MAPDA: variants seen among roughly 807,000 people sequenced by gnomAD.
The protein encoded by MAPDA is N6,N6-dimethyl-AMP deaminase.
the MAPDA span, among the ~76,000 whole-genome samples, chr15:43,334,633 T>TTATATATATATATATATATATATATATA: frequency 4.7e-3 from 305 of 65,012 alleles, 19 homozygotes; most frequent in Non-Finnish European, 7.5e-3. Context: ...CTCAAAAAAA[T>TTATATATATATATATATATATATATATA]TATATATATA....
chr15:43,334,028 C>G, the MAPDA span, among the ~76,000 whole-genome samples: 3 of 152,206 alleles, frequency 2.0e-5, no homozygotes, highest in Non-Finnish European at 4.4e-5. Context: ...AACTTACAGT[C>G]TGGTGAGAGA....
chr15:43,349,495 C>T, the MAPDA span: 3 of 339,018 alleles, frequency 8.8e-6, no homozygotes, highest in Non-Finnish European at 1.3e-5. Flanking sequence ...TCATTGCTGT[C>T]GATAGAGCAG....
At chr15:43,336,528 A>G in the MAPDA span, 1 of 878,104 alleles carries the variant, frequency 1.1e-6, no homozygotes, top group Non-Finnish European at 1.7e-6. Flanking sequence ...CTTTGTAAAT[A>G]TAAATATATA....
At chr15:43,343,213 C>G in the MAPDA span, 1 of 575,434 alleles carries the variant, frequency 1.7e-6, no homozygotes, top group Non-Finnish European at 2.8e-6. Context: ...ATCAAGGACC[C>G]TGTTGTTTAA....
At chr15:43,345,956 C>T in the MAPDA span, 1 of 1,614,110 alleles carries the variant, frequency 6.2e-7, no homozygotes, top group Non-Finnish European at 8.5e-7. Context: ...CAGTTCTTGG[C>T]CTTGACCTCA....
At chr15:43,337,275 C>CAAAA in the MAPDA span, among the ~76,000 whole-genome samples, 3 of 61,914 alleles carry the variant, frequency 4.8e-5, no homozygotes. Flanking sequence ...GACTCCGTCT[C>CAAAA]AAAAAAAAAA....
the MAPDA span, among the ~76,000 whole-genome samples, chr15:43,341,909 G>T: frequency 6.6e-6 from 1 of 151,966 alleles, no homozygotes; most frequent in Non-Finnish European, 1.5e-5. Flanking sequence ...TGGGATCTTG[G>T]CCCACTGCAA....
chr15:43,350,834 C>T, the MAPDA span: 1 of 986,016 alleles, frequency 1.0e-6, no homozygotes, highest in Non-Finnish European at 1.5e-6. Context: ...TAATAAACTA[C>T]TTTAAATTAG....
At chr15:43,336,393 G>A in the MAPDA span, among the ~76,000 whole-genome samples, 1 of 152,090 alleles carries the variant, frequency 6.6e-6, no homozygotes, top group Non-Finnish European at 1.5e-5. Context: ...ATTTCCCCAT[G>A]TCAGGTGTGG....
chr15:43,351,653 A>T, the MAPDA span: 6 of 1,164,586 alleles, frequency 5.2e-6, no homozygotes, highest in South Asian at 9.8e-5. Context: ...TCTTGAAAGA[A>T]GCATAGTAAA....
the MAPDA span, chr15:43,347,085 C>T: frequency 6.2e-7 from 1 of 1,612,906 alleles, no homozygotes; most frequent in Non-Finnish European, 8.5e-7. Flanking sequence ...GTTAGCATTG[C>T]ATCTTTCAGA....
At chr15:43,341,451 T>G in the MAPDA span, among the ~76,000 whole-genome samples, 1 of 152,220 alleles carries the variant, frequency 6.6e-6, no homozygotes, top group Non-Finnish European at 1.5e-5. Context: ...AAAATACTGG[T>G]GAAGACACTT....
the MAPDA span, among the ~76,000 whole-genome samples, chr15:43,336,448 A>G: frequency 1.2e-5 from 1 of 85,220 alleles, no homozygotes; most frequent in East Asian, 6.6e-4. Context: ...AATATCAGTA[A>G]TGTTTTATTT....
the MAPDA span, chr15:43,336,537 T>C: frequency 7.3e-5 from 68 of 932,446 alleles, no homozygotes; most frequent in Middle Eastern, 6.2e-4. Context: ...TATAAATATA[T>C]ATTTACTATT....
chr15:43,351,887 C>T, the MAPDA span: 1 of 1,551,656 alleles, frequency 6.4e-7, no homozygotes, highest in East Asian at 2.4e-5. Context: ...TCTGACAGCA[C>T]CAGATCTGAA....
chr15:43,340,258 T>C, the MAPDA span: 1 of 1,612,878 alleles, frequency 6.2e-7, no homozygotes, highest in Non-Finnish European at 8.5e-7. Context: ...GTTATCTTTA[T>C]TATCAGGTCA....
At chr15:43,331,411 A>G in the MAPDA span, among the ~76,000 whole-genome samples, 1 of 152,222 alleles carries the variant, frequency 6.6e-6, no homozygotes, top group Non-Finnish European at 1.5e-5. Flanking sequence ...ATAGGAAACC[A>G]CTTCCAGAGA....
At chr15:43,346,981 T>C in the MAPDA span, 138 of 1,560,174 alleles carry the variant, frequency 8.8e-5, 1 homozygote, top group Middle Eastern at 8.4e-4. Context: ...TTCCCAGAAT[T>C]CTCATGCATC....
chr15:43,351,897 A>C, the MAPDA span: 1 of 1,551,700 alleles, frequency 6.4e-7, no homozygotes, highest in Non-Finnish European at 8.7e-7. Context: ...CCAGATCTGA[A>C]CTGAGGAAGA....
Sources: allele counts gnomAD v4.1 joint callset (sites outside exome capture counted in the v4.1 genomes callset), GRCh38; gene constraint gnomAD v4.1.1; transcripts MANE v1.5; gene names NCBI Gene and HGNC (gene_info 2026-07-23, HGNC 2026-07-21).